GRP: variants seen among roughly 807,000 people sequenced by gnomAD.
GRP encodes gastrin-releasing peptide.
In GRP, 11 loss-of-function variants were observed where a neutral mutation model predicts 12.7. The observed-to-expected ratio is 0.87, with a 90% confidence interval of 0.55 to 1.44. The LOEUF is 1.44. GRP is among the 40% of genes most tolerant of loss of function. GRP has a pLI of 0.00. For synonymous variants in GRP, 84 were observed against 77.7 expected, an observed-to-expected ratio of 1.08 and a Z score of -0.43; for missense variants, 212 against 185.4, an observed-to-expected ratio of 1.14 and a Z score of -0.83.
chr18:59,219,477 G>A (rs1326198644), upstream of GRP, among the ~76,000 whole-genome samples: 1 of 84,464 alleles, frequency 1.2e-5, no homozygotes, highest in Non-Finnish European at 2.4e-5. Context: ...GGGAGTGGAG[G>A]GGAGGGGAGG....
At chr18:59,228,008 C>A (rs1377266301) in intron 2 of GRP, among the ~76,000 whole-genome samples, 1 of 152,076 alleles carries the variant, frequency 6.6e-6, no homozygotes, top group Non-Finnish European at 1.5e-5. Flanking sequence ...CTTTGCTTTT[C>A]TATTATTTTT....
intron 1 of GRP, among the ~76,000 whole-genome samples, 168 bp downstream of exon 1, chr18:59,220,572 C>G (rs549280882): frequency 6.6e-6 from 1 of 152,118 alleles, no homozygotes; most frequent in African/African-American, 2.4e-5. Flanking sequence ...AAAACTCCAC[C>G]CCACCTTTCC....
intron 1 of GRP, among the ~76,000 whole-genome samples, chr18:59,223,666 A>G (rs2069870340): frequency 1.3e-5 from 2 of 152,234 alleles, no homozygotes; most frequent in Non-Finnish European, 2.9e-5. Context: ...GATCTAGGTC[A>G]TCACTGGGAG....
At position 59,220,308 on chromosome 18, in the gene GRP, C is replaced by G; in HGVS notation, c.43C>G (p.Leu15Val). 3 of 1,503,746 alleles carry G rather than the reference C, an allele frequency of 2.0e-6. No homozygotes were observed. The highest frequency in any genetic ancestry group is 2.7e-6 in the Non-Finnish European group (3 of 1,130,268). The allele number at this position is 1,503,746 out of a possible 1,614,324, so 93.2% of individuals were successfully genotyped here. The change falls in exon 1 of 3, where the codon CTC (leucine) becomes GTC (valine). Residue 15 changes from leucine to valine, a missense_variant. Leu to Val is a conservative substitution (Grantham distance 32). Coordinates refer to ENST00000256857, the MANE Select transcript of GRP (RefSeq NM_002091.5). ...ELPLVLLALV[L>V]CLAPRGRAVP... ...CCCGCTGGTCCTGCTGGCGCTGGTC[C>G]TCTGCCTGGCGCCCCGGGGGCGAGC...
chr18:59,221,070 C>A (rs2069824543), intron 1 of GRP, among the ~76,000 whole-genome samples: 1 of 152,276 alleles, frequency 6.6e-6, no homozygotes, highest in South Asian at 2.1e-4. Flanking sequence ...TCTTTCCAGC[C>A]AGCAGGCTCT....
Position 59,230,521 on chromosome 18 carries a change from C to G in GRP, c.*53C>G. ...AACAAAACCCCTAAGAGACTGCGTT[C>G]TGCAAGCATCAGTTCTACGGATCAT... On this transcript the variant is annotated 3_prime_UTR_variant, in exon 3 of 3. Coordinates refer to ENST00000256857, the MANE Select transcript of GRP (RefSeq NM_002091.5). 1.1e-6 allele frequency: 1 copy of G among 927,680 alleles called. No individual in the cohort carries two copies. Among genetic ancestry groups the G allele is most frequent in the Non-Finnish European group, 1.8e-6 (1 of 553,568 alleles). 57.5% of individuals were successfully genotyped at this position (927,680 alleles called of 1,614,324 possible). A position where few individuals can be genotyped will look rare whatever the true frequency, so the allele number is the denominator to read the frequency against.
chr18:59,224,243 C>G (rs916817956), intron 1 of GRP, among the ~76,000 whole-genome samples: 1 of 152,202 alleles, frequency 6.6e-6, no homozygotes, highest in African/African-American at 2.4e-5. Flanking sequence ...TGGCAAGTCT[C>G]ATTTTCACCA....
intron 1 of GRP, among the ~76,000 whole-genome samples, chr18:59,223,279 C>T (rs780247890): frequency 2.6e-5 from 4 of 152,098 alleles, no homozygotes; most frequent in South Asian, 2.1e-4. Flanking sequence ...TGGAAGTGGG[C>T]GTATCATCCA....
chr18:59,227,273 G>GA (rs938723451), intron 2 of GRP, among the ~76,000 whole-genome samples: 11 of 150,212 alleles, frequency 7.3e-5, no homozygotes, highest in South Asian at 2.1e-4. Flanking sequence ...CTTTTATTCA[G>GA]AAAAAAAACA....
Position 59,230,419 on chromosome 18 carries a change from C to T in GRP, c.398C>T (p.Ala133Val). 1.9e-6 allele frequency: 3 copies of T among 1,586,262 alleles called. No homozygotes were observed. The highest frequency in any genetic ancestry group is 2.6e-6 in the Non-Finnish European group (3 of 1,154,588). The change falls in exon 3 of 3, where the codon GCT (alanine) becomes GTT (valine). Residue 133 changes from alanine (A) to valine (V), a missense_variant. By Grantham distance (64) the Ala-to-Val change is moderately conservative. Transcript: ENST00000256857. ...GSKGKVGRLS[A>V]PGSQREGRNP... is the part of the protein sequence containing the mutation. ...ATTTCTTAAGTTGGTAGACTCTCTG[C>T]TCCAGGTTCTCAACGTGAAGGAAGG...
At chr18:59,224,782 T>A (rs1384514382) in intron 1 of GRP, among the ~76,000 whole-genome samples, 1 of 152,216 alleles carries the variant, frequency 6.6e-6, no homozygotes, top group Non-Finnish European at 1.5e-5. Context: ...GAGCCACTGA[T>A]AGACTTTCAG....
chr18:59,225,319 A>G (rs139993451), intron 1 of GRP, among the ~76,000 whole-genome samples, 173 bp from the exon 2 acceptor site: 52 of 152,350 alleles, frequency 3.4e-4, no homozygotes, highest in African/African-American at 1.2e-3. Flanking sequence ...TTTTGAACAG[A>G]GAGCAAAATC....
At chr18:59,227,041 CTTTCTTT>C (rs1467900808) in intron 2 of GRP, among the ~76,000 whole-genome samples, 6 of 127,570 alleles carry the variant, frequency 4.7e-5, no homozygotes, top group African/African-American at 1.6e-4. Context: ...TTCTTTCTTT[CTTTCTTT>C]CTTTCTTCCT....
upstream of GRP, among the ~76,000 whole-genome samples, chr18:59,219,502 AGGAGGGGAAG>A (rs2069792267): frequency 1.9e-5 from 1 of 52,564 alleles, no homozygotes; most frequent in Non-Finnish European, 3.6e-5. Flanking sequence ...GGGAGTGGAG[AGGAGGGGAAG>A]GGAGGGGAGA....
chr18:59,219,399 CAG>C (rs144735851), upstream of GRP, among the ~76,000 whole-genome samples: 28 of 137,056 alleles, frequency 2.0e-4, no homozygotes, highest in Admixed American at 2.2e-4. Flanking sequence ...GAGAGAGAGA[CAG>C]AGAGAGAGAG....
chr18:59,221,471 TC>T (rs944581500), intron 1 of GRP, among the ~76,000 whole-genome samples: 1 of 150,374 alleles, frequency 6.7e-6, no homozygotes, highest in African/African-American at 2.5e-5. Flanking sequence ...ACTTCCTCAC[TC>T]CCCCACCTAC....
chr18:59,220,125 T>G, upstream of GRP: 7 of 243,650 alleles, frequency 2.9e-5, no homozygotes, highest in East Asian at 2.6e-4. Flanking sequence ...CGCCCGGGCT[T>G]CCATATAAAG....
At chr18:59,227,795 C>A (rs536387173) in intron 2 of GRP, among the ~76,000 whole-genome samples, 1 of 152,144 alleles carries the variant, frequency 6.6e-6, no homozygotes, top group Middle Eastern at 3.2e-3. Context: ...CCTTAAGGAT[C>A]AAAAATTTTC....
At chr18:59,230,002 A>G (rs926464015) in intron 2 of GRP, among the ~76,000 whole-genome samples, 3 of 152,236 alleles carry the variant, frequency 2.0e-5, no homozygotes, top group Non-Finnish European at 4.4e-5. Flanking sequence ...CCAGAATTTA[A>G]CACTCAGCTG....
Sources: allele counts gnomAD v4.1 joint callset (sites outside exome capture counted in the v4.1 genomes callset), GRCh38; gene constraint gnomAD v4.1.1; transcripts MANE v1.5; gene names NCBI Gene and HGNC (gene_info 2026-07-23, HGNC 2026-07-21).